SHLD1: variants seen among roughly 807,000 people sequenced by gnomAD.
SHLD1 encodes the protein shieldin complex subunit 1.
A neutral mutation model predicts 5.5 loss-of-function variants in SHLD1; 3 were observed. That is an observed-to-expected ratio of 0.54 (90% CI 0.25 to 1.40). SHLD1 has a LOEUF of 1.40. Among genes scored for constraint, SHLD1 ranks in the 40% most tolerant of loss-of-function variants. SHLD1 has a pLI of 0.15. For missense variants in SHLD1, 210 were observed against 244.4 expected, an observed-to-expected ratio of 0.86 and a Z score of 0.94; for synonymous variants, 92 against 94.3, an observed-to-expected ratio of 0.98 and a Z score of 0.14.
intron 1 of SHLD1, among the ~76,000 whole-genome samples, chr20:5,753,968 T>A (rs901099966): frequency 1.3e-5 from 2 of 152,182 alleles, no homozygotes; most frequent in Non-Finnish European, 2.9e-5. Flanking sequence ...GTCTTTGATT[T>A]CCTTGTCATG....
At chr20:5,798,928 A>T (rs73071265) in intron 2 of SHLD1, among the ~76,000 whole-genome samples, 27,444 of 152,222 alleles carry the variant, frequency 0.18, 2,773 homozygotes, top group Non-Finnish European at 0.22. Flanking sequence ...TCATGCCTGT[A>T]ATCCCCATAC....
chr20:5,819,554 G>T (rs925478773), intron 2 of SHLD1, among the ~76,000 whole-genome samples: 55 of 152,328 alleles, frequency 3.6e-4, no homozygotes, highest in African/African-American at 1.3e-3. Context: ...AGTCATGGTG[G>T]TTCACATCTG....
chr20:5,829,130 C>T (rs1199692549), intron 2 of SHLD1, among the ~76,000 whole-genome samples: 1 of 152,152 alleles, frequency 6.6e-6, no homozygotes, highest in Non-Finnish European at 1.5e-5. Context: ...CCCGCCTTGG[C>T]CTCCCAAAGT....
chr20:5,859,036 C>T (rs1446274051), intron 2 of SHLD1, among the ~76,000 whole-genome samples: 1 of 152,100 alleles, frequency 6.6e-6, no homozygotes, highest in Non-Finnish European at 1.5e-5. Context: ...ACCAGAATCA[C>T]TGGGACCAGG....
At chr20:5,818,737 TGATTGATTGGATCTTACAATAAGGC>T (rs1174802124) in intron 2 of SHLD1, among the ~76,000 whole-genome samples, 1 of 152,176 alleles carries the variant, frequency 6.6e-6, no homozygotes, top group Non-Finnish European at 1.5e-5. Flanking sequence ...TGGAATGAGG[TGATTGATTGGATCTTACAATAAGGC>T]GATGATGTTG....
rs1291811185 is a variant in SHLD1 at position 5,755,245 on chromosome 20, G to A, written c.-5+4766G>A. 3.3e-5 allele frequency among the ~76,000 whole-genome samples: 5 copies of A among 152,246 alleles called. No homozygotes were observed. The East Asian group carries it at 9.7e-4, about 29-fold the overall frequency. On this transcript the variant is annotated intron_variant, in intron 1 of 2. Coordinates refer to ENST00000303142, the MANE Select transcript of SHLD1 (RefSeq NM_152504.4). ...TAAGGCAGGGATCCTCAATCCCCGG[G>A]CCATGGACCAGCACCAGTCTGGAGG...
intron 2 of SHLD1, among the ~76,000 whole-genome samples, chr20:5,792,434 T>G (rs2087153951): frequency 6.6e-6 from 1 of 152,178 alleles, no homozygotes; most frequent in South Asian, 2.1e-4. Context: ...GTTTTTGTTT[T>G]TTTGAGACAG....
intron 2 of SHLD1, among the ~76,000 whole-genome samples, chr20:5,809,222 C>T (rs1174488915): frequency 1.3e-5 from 2 of 152,088 alleles, no homozygotes; most frequent in Admixed American, 6.5e-5. Flanking sequence ...AGGATCTTAA[C>T]GTACATGTTT....
intron 2 of SHLD1, among the ~76,000 whole-genome samples, chr20:5,796,162 T>C (rs556629787): frequency 2.6e-5 from 4 of 152,236 alleles, no homozygotes; most frequent in African/African-American, 9.6e-5. Flanking sequence ...TGTTATACAT[T>C]TACCAAAGCA....
At chr20:5,766,328 C>T (rs1466739249) in intron 1 of SHLD1, among the ~76,000 whole-genome samples, 2 of 152,202 alleles carry the variant, frequency 1.3e-5, no homozygotes, top group Non-Finnish European at 2.9e-5. Flanking sequence ...TCAAGACCAA[C>T]CAGCTGATAG....
At chr20:5,757,938 AATTCC>A (rs1984214020) in intron 1 of SHLD1, among the ~76,000 whole-genome samples, 2 of 152,180 alleles carry the variant, frequency 1.3e-5, no homozygotes, top group African/African-American at 2.4e-5. Context: ...AACAACTTTG[AATTCC>A]TGGGATTAGG....
chr20:5,851,035 A>G (rs751990469), intron 2 of SHLD1, among the ~76,000 whole-genome samples: 1 of 152,146 alleles, frequency 6.6e-6, no homozygotes, highest in Non-Finnish European at 1.5e-5. Context: ...ACACAGACCA[A>G]CTAGTATGGA....
intron 1 of SHLD1, among the ~76,000 whole-genome samples, chr20:5,761,291 A>G (rs951259068): frequency 6.6e-6 from 1 of 152,050 alleles, no homozygotes; most frequent in African/African-American, 2.4e-5. Flanking sequence ...GCATTAAGAC[A>G]AATATCTAAT....
chr20:5,767,216 C>A (rs1984887259), intron 1 of SHLD1, among the ~76,000 whole-genome samples: 1 of 152,084 alleles, frequency 6.6e-6, no homozygotes, highest in African/African-American at 2.4e-5. Flanking sequence ...ATCACTGTAT[C>A]CCCAACTGCC....
chr20:5,793,480 C>T (rs1256403523), intron 2 of SHLD1, among the ~76,000 whole-genome samples: 2 of 152,052 alleles, frequency 1.3e-5, no homozygotes, highest in Non-Finnish European at 2.9e-5. Context: ...TTTTAGATTC[C>T]TATATAGTCA....
intron 2 of SHLD1, among the ~76,000 whole-genome samples, chr20:5,813,809 A>C (rs2087491339): frequency 6.6e-6 from 1 of 152,214 alleles, no homozygotes; most frequent in Admixed American, 6.5e-5. Context: ...GAAAAGAGCA[A>C]GAGAAATAGT....
intron 2 of SHLD1, among the ~76,000 whole-genome samples, chr20:5,792,961 C>T (rs1568505069): frequency 6.6e-6 from 1 of 152,202 alleles, no homozygotes; most frequent in Non-Finnish European, 1.5e-5. Flanking sequence ...AGGCATGAGC[C>T]ACCACGCCTG....
intron 2 of SHLD1, among the ~76,000 whole-genome samples, chr20:5,840,964 C>A (rs940798979): frequency 6.6e-5 from 10 of 151,912 alleles, no homozygotes; most frequent in Non-Finnish European, 1.5e-4. Flanking sequence ...AATGGAACAC[C>A]TACAACCATA....
upstream of SHLD1, among the ~76,000 whole-genome samples, chr20:5,750,221 C>G (rs1983645747): frequency 1.3e-5 from 2 of 152,170 alleles, no homozygotes; most frequent in Non-Finnish European, 1.5e-5. Context: ...ATCGACAAGC[C>G]TCCTCAGGAA....
Sources: allele counts gnomAD v4.1 joint callset (sites outside exome capture counted in the v4.1 genomes callset), GRCh38; gene constraint gnomAD v4.1.1; transcripts MANE v1.5; gene names NCBI Gene and HGNC (gene_info 2026-07-23, HGNC 2026-07-21).